SETBP1: variants seen among roughly 807,000 people sequenced by gnomAD.
SETBP1 encodes the protein SET binding protein 1.
SETBP1 carries 9 observed loss-of-function variants against 101.0 expected under a neutral mutation model. The observed-to-expected ratio is 0.09, with a 90% confidence interval of 0.05 to 0.16. SETBP1 has a LOEUF of 0.16. Among genes scored for constraint, SETBP1 ranks in the 10% least tolerant of loss-of-function variants. The pLI, the probability that SETBP1 is intolerant of heterozygous loss-of-function variation, is 1.00. For synonymous variants in SETBP1, 818 were observed against 788.5 expected (o/e 1.04, Z -0.63); for missense variants, 1,858 against 2,033.8 (o/e 0.91, Z 1.66).
Position 45,030,682 on chromosome 18 carries a change from T to C in SETBP1, c.4001-7803T>C, listed in dbSNP as rs892911538. ...GGTAAGCTATTGATTATTGCCACAATTTCAGAGCCTGTTATTGGTCTATTC... is the reference window on the plus strand; with the variant it reads ...GGTAAGCTATTGATTATTGCCACAACTTCAGAGCCTGTTATTGGTCTATTC... On this transcript the variant is annotated intron_variant, in intron 4 of 5. Coordinates refer to ENST00000649279, the MANE Select transcript of SETBP1 (RefSeq NM_015559.3). 6.8e-4 allele frequency among the ~76,000 whole-genome samples: 102 copies of C among 149,814 alleles called. 1 individual carries two copies. Among genetic ancestry groups the C allele is most frequent in the Non-Finnish European group, 8.0e-4 (54 of 67,742 alleles).
At chr18:44,769,640 G>A (rs1461028289) in intron 2 of SETBP1, among the ~76,000 whole-genome samples, 1 of 152,194 alleles carries the variant, frequency 6.6e-6, no homozygotes, top group Non-Finnish European at 1.5e-5. Flanking sequence ...ATGGAGAGTA[G>A]AGAATTCAAA....
At position 44,951,709 on chromosome 18, in the gene SETBP1, T is replaced by G. The variant is rs1453838332; in HGVS notation, c.2369T>G (p.Leu790Arg). ...CAGTTAGGTGGGTCCAATGGCAACC[T>G]GAGCCCTGCCAGCACTGAAACCAAT... is the stretch of plus-strand genomic sequence containing the variant. ...STQLGGSNGNLSPASTETNFS... is the reference protein window; with the variant it reads ...STQLGGSNGNRSPASTETNFS... The change falls in exon 4 of 6, where the codon CTG (leucine) becomes CGG (arginine). Residue 790 changes from leucine to arginine, a missense_variant. This residue lies in a region of SETBP1 where 121 missense variants were observed against 138.0 expected (regional missense o/e 0.88). Coordinates refer to ENST00000649279, the MANE Select transcript of SETBP1 (RefSeq NM_015559.3). This position sits in a 1 kb window ranked among gnomAD's most constrained non-coding sequence, Gnocchi z 7.8. 6.2e-7 allele frequency: 1 copy of G among 1,614,032 alleles called. No homozygotes were observed. The highest frequency in any genetic ancestry group is 8.5e-7 in the Non-Finnish European group (1 of 1,180,034).
Position 44,953,172 on chromosome 18 carries a change from C to G in SETBP1, c.3832C>G (p.Leu1278Val), listed in dbSNP as rs751429016. 5.0e-6 allele frequency: 8 copies of G among 1,613,984 alleles called. No individual in the cohort carries two copies. The highest frequency in any genetic ancestry group is 4.5e-5 in the East Asian group (2 of 44,878). Residue 1278 changes from leucine to valine, a missense_variant, in exon 4 of 6, where the codon CTG (leucine) becomes GTG (valine). Leu to Val is a conservative substitution (Grantham distance 32). This residue lies in a region of SETBP1 where 417 missense variants were observed against 389.1 expected (regional missense o/e 1.07). Transcript: ENST00000649279. ...GDGGSTRSEN[L>V]DVFSEMNPSN... is the part of the protein sequence containing the mutation. Reference sequence around the variant, plus strand: ...TGGTGGCAGCACGAGATCAGAGAACCTGGACGTGTTCAGTGAAATGAACCC... The same window carrying G: ...TGGTGGCAGCACGAGATCAGAGAACGTGGACGTGTTCAGTGAAATGAACCC...
At chr18:44,866,592 A>G (rs1475832539) in intron 2 of SETBP1, among the ~76,000 whole-genome samples, 2 of 152,242 alleles carry the variant, frequency 1.3e-5, no homozygotes, top group Non-Finnish European at 2.9e-5. Flanking sequence ...TACACACAAC[A>G]GCACGAAACA....
At chr18:44,837,596 C>A (rs1330148724) in intron 2 of SETBP1, among the ~76,000 whole-genome samples, 1 of 152,146 alleles carries the variant, frequency 6.6e-6, no homozygotes, top group African/African-American at 2.4e-5. Context: ...AAAGGCTCAG[C>A]CTCAGCACAC....
intron 3 of SETBP1, among the ~76,000 whole-genome samples, chr18:44,932,934 A>T (rs1456619303): frequency 6.6e-6 from 1 of 152,188 alleles, no homozygotes; most frequent in Non-Finnish European, 1.5e-5. Context: ...CGATCATTTG[A>T]AGCCTTCTTC....
intron 2 of SETBP1, chr18:44,733,317 G>A (rs906999193): frequency 3.3e-5 from 5 of 152,286 alleles, no homozygotes; most frequent in African/African-American, 7.2e-5. Flanking sequence ...CGGCTCTGAC[G>A]GCTCAAATAA....
At chr18:45,036,994 T>G (rs2073410461) in intron 4 of SETBP1, among the ~76,000 whole-genome samples, 1 of 152,166 alleles carries the variant, frequency 6.6e-6, no homozygotes. Flanking sequence ...TCTGTAAAAT[T>G]GAGAAAATGG....
chr18:44,827,396 T>G (rs1457732028), intron 2 of SETBP1, among the ~76,000 whole-genome samples: 2 of 152,218 alleles, frequency 1.3e-5, no homozygotes, highest in African/African-American at 2.4e-5. Context: ...TGCTCTAAAT[T>G]TCTTAATAGA....
chr18:44,978,292 C>CT (rs1187963957), intron 4 of SETBP1, among the ~76,000 whole-genome samples: 2 of 152,060 alleles, frequency 1.3e-5, no homozygotes, highest in African/African-American at 2.4e-5. Flanking sequence ...CTGCCATTTT[C>CT]TTTTTTTTAT....
intron 2 of SETBP1, among the ~76,000 whole-genome samples, chr18:44,837,531 T>TTGTA (rs1474405261): frequency 1.3e-5 from 2 of 152,344 alleles, no homozygotes; most frequent in East Asian, 3.9e-4. Flanking sequence ...ATATATGCCC[T>TTGTA]TGTACATAGT....
At chr18:44,942,463 A>G (rs1303775076) in intron 3 of SETBP1, among the ~76,000 whole-genome samples, 1 of 152,160 alleles carries the variant, frequency 6.6e-6, no homozygotes, top group African/African-American at 2.4e-5. Context: ...CTAACCTGCA[A>G]ATTCCATTTC....
At chr18:44,884,035 C>A (rs979634788) in intron 3 of SETBP1, among the ~76,000 whole-genome samples, 1 of 152,138 alleles carries the variant, frequency 6.6e-6, no homozygotes, top group African/African-American at 2.4e-5. Flanking sequence ...TAGTTTATTT[C>A]GGAGAAATTT....
intron 2 of SETBP1, among the ~76,000 whole-genome samples, chr18:44,866,410 C>A (rs1172562555): frequency 6.6e-6 from 1 of 152,194 alleles, no homozygotes; most frequent in East Asian, 1.9e-4. Context: ...GACAATATTT[C>A]CATTTTCCTT....
intron 2 of SETBP1, among the ~76,000 whole-genome samples, chr18:44,859,538 G>A (rs546802167): frequency 6.9e-4 from 105 of 152,246 alleles, no homozygotes; most frequent in Non-Finnish European, 1.2e-3. Flanking sequence ...CATAACCTTA[G>A]GTGAGTTATT....
intron 2 of SETBP1, among the ~76,000 whole-genome samples, chr18:44,780,879 A>G (rs1189775311): frequency 6.6e-6 from 1 of 152,252 alleles, no homozygotes; most frequent in Non-Finnish European, 1.5e-5. Context: ...TCAGAGCTGA[A>G]GAATGATGAC....
chr18:44,710,556 ATTCTCC>A (rs1270935766), intron 2 of SETBP1, among the ~76,000 whole-genome samples: 4 of 151,256 alleles, frequency 2.6e-5, no homozygotes, highest in African/African-American at 9.7e-5. Flanking sequence ...GGTTGAAGCA[ATTCTCC>A]TGCCTCAGCC....
At chr18:44,990,823 A>G (rs974812301) in intron 4 of SETBP1, among the ~76,000 whole-genome samples, 20 of 150,828 alleles carry the variant, frequency 1.3e-4, no homozygotes, top group Non-Finnish European at 2.8e-4. Context: ...GTGTAAAGGT[A>G]TTAACTTTCC....
chr18:44,990,340 TC>T (rs1482715169), intron 4 of SETBP1, among the ~76,000 whole-genome samples: 1 of 152,136 alleles, frequency 6.6e-6, no homozygotes, highest in African/African-American at 2.4e-5. Context: ...ATGCCTGAAA[TC>T]CCAGCACTTT....
Sources: allele counts gnomAD v4.1 joint callset (sites outside exome capture counted in the v4.1 genomes callset), GRCh38; gene constraint gnomAD v4.1.1; regional missense constraint gnomAD v4.1.1; non-coding constraint Gnocchi (gnomAD v3.1); transcripts MANE v1.5; gene names NCBI Gene and HGNC (gene_info 2026-07-23, HGNC 2026-07-21).